The following ELOVL2 variants were observed in gnomAD, a reference collection of about 807,000 sequenced individuals.
ELOVL2 encodes very long chain fatty acid elongase 2.
A neutral mutation model predicts 37.7 loss-of-function variants in ELOVL2; 38 were observed. The observed-to-expected ratio is 1.01, with a 90% CI of 0.78 to 1.32. The LOEUF (loss-of-function observed/expected upper bound fraction) is 1.32. Ranked by LOEUF, ELOVL2 falls within the 40% of genes most tolerant of loss-of-function variation. The pLI is 0.00. For missense variants in ELOVL2, 352 were observed against 363.6 expected, an observed-to-expected ratio of 0.97 and a Z score of 0.26; for synonymous variants, 115 against 122.3, an observed-to-expected ratio of 0.94 and a Z score of 0.40.
At chr6:10,995,244 C>A (rs1782244207) in intron 4 of ELOVL2, 66 bp from the exon 5 acceptor site, 4 of 1,242,516 alleles carry the variant, frequency 3.2e-6, no homozygotes, top group Non-Finnish European at 3.4e-6. Context: ...TGCCCCACTG[C>A]TCGGCCTTCT....
rs1227044483 is a variant in ELOVL2, at chr6:10,981,920, G to T, written c.*1861C>A. 1 of 152,200 alleles carries T rather than the reference G, an allele frequency of 6.6e-6. No homozygotes were observed. Among genetic ancestry groups the T allele is most frequent in the Non-Finnish European group, 1.5e-5 (1 of 68,046 alleles). 9.4% of individuals were successfully genotyped at this position (152,200 alleles called of 1,614,324 possible). ...GTCCAACTTGTGTTTTGTCACAGAG[G>T]AGCCATTAACAGTCATGCTTGAAGC... On this transcript the variant is annotated 3_prime_UTR_variant, in exon 8 of 8. Coordinates refer to ENST00000354666, the MANE Select transcript of ELOVL2 (RefSeq NM_017770.4).
At chr6:11,032,191 C>T (rs1398950515) in intron 1 of ELOVL2, among the ~76,000 whole-genome samples, 4 of 152,146 alleles carry the variant, frequency 2.6e-5, no homozygotes, top group Admixed American at 2.6e-4. Context: ...TTCCACCTGG[C>T]TCCTGCACAA....
At chr6:10,994,105 G>A (rs1230908043) in intron 5 of ELOVL2, among the ~76,000 whole-genome samples, 1 of 151,874 alleles carries the variant, frequency 6.6e-6, no homozygotes, top group Non-Finnish European at 1.5e-5. Flanking sequence ...TAAGGCTGCG[G>A]TGAGCTATGA....
chr6:11,011,152 C>T (rs983993362), intron 1 of ELOVL2, among the ~76,000 whole-genome samples: 3 of 152,068 alleles, frequency 2.0e-5, no homozygotes, highest in African/African-American at 7.2e-5. Context: ...ATCACGAGGT[C>T]AGGAGATCGA....
At chr6:10,990,675 C>CA (rs79871644) in intron 5 of ELOVL2, among the ~76,000 whole-genome samples, 4 of 142,814 alleles carry the variant, frequency 2.8e-5, no homozygotes, top group Non-Finnish European at 6.1e-5. Context: ...ATGCCCCCCC[C>CA]CCGCCACACA....
chr6:11,039,320 C>G (rs1389067237), intron 1 of ELOVL2, among the ~76,000 whole-genome samples: 1 of 152,162 alleles, frequency 6.6e-6, no homozygotes, highest in Non-Finnish European at 1.5e-5. Flanking sequence ...CTCTGTTCAC[C>G]AGGCACACAG....
Position 10,983,499 on chromosome 6 carries a change from A to G in ELOVL2, c.*282T>C, listed in dbSNP as rs1197979597. 4.6e-5 allele frequency: 12 copies of G among 258,376 alleles called. No homozygotes were observed. The East Asian group carries it at 7.9e-4, about 17-fold the overall frequency. The allele number at this position is 258,376 out of a possible 1,614,324, so 16.0% of individuals were successfully genotyped here. ...TGGCTGTGTATGCGTATAAGGCGTTATAAGGACAGCTTCTGGCGAAAGGTT... is the reference window on the plus strand; with the variant it reads ...TGGCTGTGTATGCGTATAAGGCGTTGTAAGGACAGCTTCTGGCGAAAGGTT... On this transcript the variant is annotated 3_prime_UTR_variant, in exon 8 of 8. Transcript: ENST00000354666.
At chr6:11,037,183 G>C (rs1471070171) in intron 1 of ELOVL2, among the ~76,000 whole-genome samples, 4 of 150,024 alleles carry the variant, frequency 2.7e-5, no homozygotes, top group African/African-American at 9.8e-5. Context: ...GAGAGGCAGA[G>C]AGGGAAAGAG....
intron 1 of ELOVL2, among the ~76,000 whole-genome samples, chr6:11,026,382 T>A (rs1029837710): frequency 1.3e-5 from 2 of 152,216 alleles, no homozygotes; most frequent in Admixed American, 6.5e-5. Flanking sequence ...ATGGCTCCTG[T>A]AACCAGCAAG....
At chr6:11,005,073 C>T (rs984725283) in intron 3 of ELOVL2, among the ~76,000 whole-genome samples, 1 of 151,922 alleles carries the variant, frequency 6.6e-6, no homozygotes. Context: ...GCACGAGAAT[C>T]GCTTGAACCT....
At chr6:10,997,391 A>G (rs1479493494) in intron 4 of ELOVL2, among the ~76,000 whole-genome samples, 1 of 152,150 alleles carries the variant, frequency 6.6e-6, no homozygotes, top group Non-Finnish European at 1.5e-5. Flanking sequence ...TCCATGTTCA[A>G]ATTTCTCGGT....
chr6:10,987,906 A>C (rs981033545), intron 7 of ELOVL2, among the ~76,000 whole-genome samples: 1 of 151,818 alleles, frequency 6.6e-6, no homozygotes, highest in Non-Finnish European at 1.5e-5. Context: ...TTTTTAAAGC[A>C]ATAGTATTAA....
chr6:10,997,859 G>A (rs541958787), intron 4 of ELOVL2, among the ~76,000 whole-genome samples: 4 of 152,258 alleles, frequency 2.6e-5, no homozygotes, highest in South Asian at 2.1e-4. Context: ...AATTTTCACC[G>A]AATAGTTTTA....
intron 1 of ELOVL2, among the ~76,000 whole-genome samples, chr6:11,037,542 A>G (rs1219416541): frequency 6.8e-6 from 1 of 146,558 alleles, no homozygotes; most frequent in South Asian, 2.1e-4. Context: ...GTTCTACTAA[A>G]AAAAAAAAAA....
intron 2 of ELOVL2, among the ~76,000 whole-genome samples, chr6:11,009,608 A>G (rs1468668630): frequency 6.6e-6 from 1 of 152,214 alleles, no homozygotes; most frequent in African/African-American, 2.4e-5. Flanking sequence ...CTAGGAAGGA[A>G]TTCCAGGCTC....
At chr6:11,008,985 T>C (rs1225079576) in intron 2 of ELOVL2, among the ~76,000 whole-genome samples, 1 of 152,200 alleles carries the variant, frequency 6.6e-6, no homozygotes, top group Non-Finnish European at 1.5e-5. Flanking sequence ...TGTAGAGAAC[T>C]AAGGACTTTT....
At chr6:11,000,031 C>G in intron 4 of ELOVL2, 56 bp downstream of exon 4, 2 of 1,498,700 alleles carry the variant, frequency 1.3e-6, no homozygotes, top group Non-Finnish European at 1.9e-6. Flanking sequence ...AGAAAACCTC[C>G]TCTCCTTGTC....
intron 7 of ELOVL2, among the ~76,000 whole-genome samples, chr6:10,986,976 T>G (rs1782063790): frequency 6.6e-6 from 1 of 152,212 alleles, no homozygotes; most frequent in South Asian, 2.1e-4. Flanking sequence ...ATCCATCTGG[T>G]CCTGGACTCT....
intron 7 of ELOVL2, among the ~76,000 whole-genome samples, chr6:10,988,425 G>A (rs1198778860): frequency 2.0e-5 from 3 of 152,184 alleles, no homozygotes; most frequent in Non-Finnish European, 2.9e-5. Flanking sequence ...TTAGCCAGGC[G>A]TGGTGGCACA....
Sources: allele counts gnomAD v4.1 joint callset (sites outside exome capture counted in the v4.1 genomes callset), GRCh38; gene constraint gnomAD v4.1.1; transcripts MANE v1.5; gene names NCBI Gene and HGNC (gene_info 2026-07-23, HGNC 2026-07-21).